The following NUP133 variants were observed in gnomAD, a reference collection of about 807,000 sequenced individuals.
NUP133 encodes nuclear pore complex protein Nup133.
Under a neutral mutation model 146.2 loss-of-function variants are expected in NUP133, and 66 were observed. That is an observed-to-expected ratio of 0.45 (90% CI 0.37 to 0.55). NUP133 has a LOEUF of 0.55. Among genes scored for constraint, NUP133 ranks in the 20% least tolerant of loss-of-function variants. The pLI is 0.00. For synonymous variants in NUP133, 521 were observed against 498.8 expected (o/e 1.04, Z -0.59); for missense variants, 1,277 against 1,374.8 (o/e 0.93, Z 1.12).
chr1:229,490,639 TA>T (rs1661487699), intron 8 of NUP133, among the ~76,000 whole-genome samples: 1 of 152,144 alleles, frequency 6.6e-6, no homozygotes. Context: ...TTGTTACGGT[TA>T]AATGACTAAA....
chr1:229,481,135 T>A (rs538613435), intron 12 of NUP133, among the ~76,000 whole-genome samples: 2 of 152,102 alleles, frequency 1.3e-5, no homozygotes, highest in Non-Finnish European at 2.9e-5. Context: ...ACTTCACCCA[T>A]GTTGGGCAGG....
At chr1:229,467,335 C>A (rs966935806) in intron 15 of NUP133, among the ~76,000 whole-genome samples, 2 of 152,222 alleles carry the variant, frequency 1.3e-5, no homozygotes, top group African/African-American at 4.8e-5. Context: ...CAAGTCTGCA[C>A]TTAAGCTTTC....
intron 21 of NUP133, among the ~76,000 whole-genome samples, chr1:229,453,387 C>T (rs1014254177): frequency 3.9e-5 from 6 of 152,162 alleles, no homozygotes; most frequent in Admixed American, 3.3e-4. Flanking sequence ...CTTTCCTAGG[C>T]TTCTTGGGAG....
intron 15 of NUP133, among the ~76,000 whole-genome samples, chr1:229,467,099 A>G (rs979409386): frequency 1.3e-5 from 2 of 152,202 alleles, no homozygotes; most frequent in Admixed American, 6.5e-5. Context: ...CCCCAAACTA[A>G]TGAACTAATA....
rs1256526014 is a variant in NUP133 at position 229,475,740 on chromosome 1, AAC to A, written c.1757-10_1757-9del. The A allele has an allele frequency of 1.2e-6, 2 of 1,602,578 alleles. No homozygotes were observed. The highest frequency in any genetic ancestry group is 1.7e-5 in the Admixed American group (1 of 59,990). On this transcript the variant is annotated splice_polypyrimidine_tract_variant and intron_variant, in intron 13 of 25. Coordinates refer to ENST00000261396, the MANE Select transcript of NUP133 (RefSeq NM_018230.3). ...TGCTGAACCCAGGTGCTTCTGTTAA[AAC>A]ACAGTGATAAAACTTAGAACATAGT...
Position 229,486,242 on chromosome 1 carries a change from A to G in NUP133, c.1500+129T>C, listed in dbSNP as rs1661342239. 5.2e-6 allele frequency: 4 copies of G among 775,564 alleles called. No individual in the cohort carries two copies. In the South Asian group the frequency reaches 7.3e-5, roughly 14 times the overall value. The allele number at this position is 775,564 out of a possible 1,614,324, so 48.0% of individuals were successfully genotyped here. A position where few individuals can be genotyped will look rare whatever the true frequency, so the allele number is the denominator to read the frequency against. ...AAGTCTGAGGCAGGAGGATTGCTTGAGGCCAGGAGTTTGGGGCTGCAATGA... is the reference window on the plus strand; with the variant it reads ...AAGTCTGAGGCAGGAGGATTGCTTGGGGCCAGGAGTTTGGGGCTGCAATGA... On this transcript the variant is annotated intron_variant, in intron 11 of 25. Transcript: ENST00000261396.
chr1:229,478,609 G>A (rs986616159), intron 12 of NUP133, among the ~76,000 whole-genome samples: 1 of 152,130 alleles, frequency 6.6e-6, no homozygotes, highest in Non-Finnish European at 1.5e-5. Context: ...TTAAAGGAAG[G>A]GTAAGCCCAT....
intron 19 of NUP133, 46 bp from the exon 20 acceptor site, chr1:229,460,815 A>G: frequency 2.0e-6 from 3 of 1,519,950 alleles, no homozygotes; most frequent in East Asian, 2.3e-5. Flanking sequence ...GTTTAAAAAA[A>G]CACATTTCTG....
chr1:229,498,040 C>T (rs893166729), intron 6 of NUP133, 96 bp downstream of exon 6: 5 of 800,094 alleles, frequency 6.2e-6, no homozygotes, highest in African/African-American at 3.6e-5. Context: ...GCATAAGCTA[C>T]TGTCCATATG....
chr1:229,482,601 C>CT (rs1307837842), intron 12 of NUP133, among the ~76,000 whole-genome samples: 1 of 152,162 alleles, frequency 6.6e-6, no homozygotes, highest in African/African-American at 2.4e-5. Flanking sequence ...GAATACATGT[C>CT]TAAGATAAAC....
intron 15 of NUP133, among the ~76,000 whole-genome samples, chr1:229,468,208 G>A (rs935709266): frequency 6.6e-6 from 1 of 152,110 alleles, no homozygotes; most frequent in Non-Finnish European, 1.5e-5. Flanking sequence ...GGGCTGCCAA[G>A]TCAAAATATC....
At chr1:229,506,475 C>T (rs1389002727) in intron 1 of NUP133, among the ~76,000 whole-genome samples, 6 of 134,130 alleles carry the variant, frequency 4.5e-5, no homozygotes, top group Non-Finnish European at 9.4e-5. Context: ...TTTCAAACAG[C>T]GGGTCATTTT....
intron 15 of NUP133, among the ~76,000 whole-genome samples, chr1:229,470,287 C>CA (rs33912287): frequency 0.21 from 22,742 of 110,052 alleles, 1,942 homozygotes; most frequent in Middle Eastern, 0.34. Flanking sequence ...GACTCCATCT[C>CA]AAAAAAAAAA....
intron 8 of NUP133, among the ~76,000 whole-genome samples, chr1:229,495,130 C>T (rs1661624112): frequency 6.6e-6 from 1 of 152,140 alleles, no homozygotes; most frequent in East Asian, 1.9e-4. Flanking sequence ...GGCTCACACC[C>T]GTAATCGCAA....
At chr1:229,507,992 A>G (rs1661989027) in intron 1 of NUP133, 76 bp downstream of exon 1, 2 of 1,355,682 alleles carry the variant, frequency 1.5e-6, no homozygotes, top group South Asian at 2.0e-5. Flanking sequence ...AAAGGCTTCT[A>G]AAGACAACAA....
At chr1:229,503,096 T>C (rs77694372) in intron 2 of NUP133, among the ~76,000 whole-genome samples, 3,426 of 151,714 alleles carry the variant, frequency 0.023, 129 homozygotes, top group African/African-American at 0.079. Context: ...TGAAACCCCA[T>C]CTCTACCAAA....
intron 8 of NUP133, among the ~76,000 whole-genome samples, chr1:229,492,144 TTGCCCAGGCTGCAG>T (rs1661538135): frequency 6.6e-6 from 1 of 151,908 alleles, no homozygotes; most frequent in African/African-American, 2.4e-5. Flanking sequence ...TTCACTCTTG[TTGCCCAGGCTGCAG>T]TGCCGGGGCG....
At position 229,508,332 on chromosome 1, in the gene NUP133, A is replaced by C; in HGVS notation, c.-83T>G. On this transcript the variant is annotated 5_prime_UTR_variant, in exon 1 of 26. Coordinates refer to ENST00000261396, the MANE Select transcript of NUP133 (RefSeq NM_018230.3). ...GCCTGCGCGCGGAACTTAAACACCT[A>C]AGGGAAGAGATGGCGCGCGATGATG... is the stretch of plus-strand genomic sequence containing the variant. 7 of 1,045,586 alleles carry C rather than the reference A, an allele frequency of 6.7e-6. No homozygotes were observed. Among genetic ancestry groups the C allele is most frequent in the South Asian group, 2.2e-5 (1 of 44,474 alleles). 64.8% of individuals were successfully genotyped at this position (1,045,586 alleles called of 1,614,324 possible).
At chr1:229,449,407 G>A (rs982223774) in intron 23 of NUP133, among the ~76,000 whole-genome samples, 41 of 146,184 alleles carry the variant, frequency 2.8e-4, no homozygotes, top group African/African-American at 8.9e-4. Context: ...TCGCTCTGTC[G>A]CCCAAGCTGG....
Sources: gnomAD v4.1 joint callset for allele counts (sites outside exome capture counted in the v4.1 genomes callset) on GRCh38, gnomAD v4.1.1 for gene constraint, MANE v1.5 for transcripts, NCBI Gene and HGNC (gene_info 2026-07-23, HGNC 2026-07-21) for gene names.